Variants in BBX observed in about 807,000 individuals in gnomAD.
BBX encodes HMG box transcription factor BBX.
Under a neutral mutation model 100.2 loss-of-function variants are expected in BBX, and 30 were observed. The observed-to-expected ratio is 0.30, with a 90% CI of 0.22 to 0.41. The LOEUF is 0.41. BBX is among the 10% of genes least tolerant of loss of function. BBX has a pLI of 1.00. For missense variants in BBX, 1,023 were observed against 1,129.8 expected (o/e 0.91, Z 1.35); for synonymous variants, 376 against 388.1 (o/e 0.97, Z 0.37).
chr3:107,676,709 T>G (rs2059299675), intron 3 of BBX, among the ~76,000 whole-genome samples: 1 of 152,144 alleles, frequency 6.6e-6, no homozygotes, highest in South Asian at 2.1e-4. Context: ...TGGCAGATAT[T>G]CAACTTGAGA....
chr3:107,624,805 G>T (rs960002868), intron 2 of BBX, among the ~76,000 whole-genome samples: 1 of 152,168 alleles, frequency 6.6e-6, no homozygotes, highest in Non-Finnish European at 1.5e-5. Context: ...GGAGGCGGAG[G>T]TTGCAGTGAG....
intron 3 of BBX, among the ~76,000 whole-genome samples, chr3:107,692,097 A>G (rs1028440694): frequency 3.9e-5 from 6 of 151,962 alleles, no homozygotes; most frequent in African/African-American, 1.4e-4. Flanking sequence ...TAACTAAATC[A>G]TTGTTTCTGC....
chr3:107,633,962 A>G (rs2056703520), intron 2 of BBX, among the ~76,000 whole-genome samples: 1 of 152,198 alleles, frequency 6.6e-6, no homozygotes, highest in Non-Finnish European at 1.5e-5. Context: ...GACAGATAGC[A>G]CCAGATAGAG....
At chr3:107,760,012 A>T (rs1277530982) in intron 10 of BBX, among the ~76,000 whole-genome samples, 1 of 152,200 alleles carries the variant, frequency 6.6e-6, no homozygotes, top group Non-Finnish European at 1.5e-5. Context: ...TAAGTACTTT[A>T]TATGTACTAA....
chr3:107,601,481 TAAGA>T (rs1459366516), intron 2 of BBX, among the ~76,000 whole-genome samples: 1 of 152,160 alleles, frequency 6.6e-6, no homozygotes, highest in African/African-American at 2.4e-5. Context: ...CACACAATGA[TAAGA>T]AAGCAAAACA....
At chr3:107,531,628 T>A (rs1300694142) in intron 2 of BBX, among the ~76,000 whole-genome samples, 2 of 152,024 alleles carry the variant, frequency 1.3e-5, no homozygotes, top group Non-Finnish European at 2.9e-5. Flanking sequence ...GAAACATGGG[T>A]ATGTTTTTAA....
At chr3:107,692,540 C>T (rs1323049543) in intron 3 of BBX, among the ~76,000 whole-genome samples, 1 of 152,166 alleles carries the variant, frequency 6.6e-6, no homozygotes, top group Admixed American at 6.5e-5. Context: ...TTTTTTATGG[C>T]TGCATAGTAG....
intron 3 of BBX, among the ~76,000 whole-genome samples, chr3:107,690,523 A>G (rs1316083636): frequency 6.6e-6 from 1 of 152,172 alleles, no homozygotes; most frequent in Non-Finnish European, 1.5e-5. Context: ...GTTTAACTCA[A>G]TATGTGGATG....
intron 2 of BBX, among the ~76,000 whole-genome samples, chr3:107,586,530 C>G (rs2052852696): frequency 6.6e-6 from 1 of 152,130 alleles, no homozygotes; most frequent in Non-Finnish European, 1.5e-5. Context: ...TTGATTATAA[C>G]TGAGCATTCC....
chr3:107,581,223 T>C (rs1159191175), intron 2 of BBX, among the ~76,000 whole-genome samples: 1 of 152,144 alleles, frequency 6.6e-6, no homozygotes, highest in African/African-American at 2.4e-5. Context: ...ATCTGTAAAA[T>C]AGTTACATTC....
intron 2 of BBX, among the ~76,000 whole-genome samples, chr3:107,616,675 T>C (rs1222954801): frequency 6.6e-6 from 1 of 152,180 alleles, no homozygotes; most frequent in Non-Finnish European, 1.5e-5. Flanking sequence ...CATCTTTTCA[T>C]GCATTTATTT....
At chr3:107,674,022 GA>G (rs141465556) in intron 3 of BBX, among the ~76,000 whole-genome samples, 20 of 151,542 alleles carry the variant, frequency 1.3e-4, no homozygotes, top group Admixed American at 6.6e-4. Context: ...ACTCTCTTTA[GA>G]AAAAAAATGC....
chr3:107,808,144 AT>A lies in BBX; in HGVS notation c.*2691del, dbSNP rs1400036273. 2.0e-5 allele frequency: 3 copies of A among 151,976 alleles called. No homozygotes were observed. The highest frequency in any genetic ancestry group is 1.3e-4 in the Admixed American group (2 of 15,262). 9.4% of individuals were successfully genotyped at this position (151,976 alleles called of 1,614,324 possible). A position where few individuals can be genotyped will look rare whatever the true frequency, so the allele number is the denominator to read the frequency against. On this transcript the variant is annotated 3_prime_UTR_variant, in exon 18 of 18. Coordinates refer to ENST00000325805, the MANE Select transcript of BBX (RefSeq NM_001142568.3). ...CATTTCATTTCTCTCATTCTTTTTT[AT>A]TTTGGAAAATCATATTGCTATAGTG...
intron 15 of BBX, among the ~76,000 whole-genome samples, chr3:107,793,121 C>T (rs984716368): frequency 6.6e-6 from 1 of 152,126 alleles, no homozygotes; most frequent in Non-Finnish European, 1.5e-5. Flanking sequence ...AGTACACAGA[C>T]TGTAAATTCT....
At chr3:107,628,628 T>C (rs911472028) in intron 2 of BBX, among the ~76,000 whole-genome samples, 4 of 152,148 alleles carry the variant, frequency 2.6e-5, no homozygotes, top group Non-Finnish European at 5.9e-5. Context: ...AGTGACATAA[T>C]ATTAAAATTC....
chr3:107,736,434 A>T (rs866796963), intron 7 of BBX, among the ~76,000 whole-genome samples: 20 of 151,192 alleles, frequency 1.3e-4, no homozygotes, highest in Middle Eastern at 3.4e-3. Context: ...TTTTTTTTTT[A>T]ATTTAAAGAA....
intron 3 of BBX, among the ~76,000 whole-genome samples, chr3:107,709,576 G>A (rs1235181151): frequency 6.6e-6 from 1 of 152,168 alleles, no homozygotes; most frequent in Non-Finnish European, 1.5e-5. Flanking sequence ...TTCCATGACA[G>A]TAATTTCTAT....
chr3:107,791,932 C>G (rs960824080), intron 15 of BBX, among the ~76,000 whole-genome samples: 1 of 152,106 alleles, frequency 6.6e-6, no homozygotes, highest in African/African-American at 2.4e-5. Flanking sequence ...ACCCGGGAGG[C>G]GGAAGTTTCA....
chr3:107,558,911 G>A (rs987433758), intron 2 of BBX, among the ~76,000 whole-genome samples: 2 of 152,106 alleles, frequency 1.3e-5, no homozygotes, highest in African/African-American at 4.8e-5. Flanking sequence ...CTGACCGGGG[G>A]GAAAACAAAG....
Sources: allele counts gnomAD v4.1 joint callset (sites outside exome capture counted in the v4.1 genomes callset), GRCh38; gene constraint gnomAD v4.1.1; transcripts MANE v1.5; gene names NCBI Gene and HGNC (gene_info 2026-07-23, HGNC 2026-07-21).